TMEM123: variants seen among roughly 807,000 people sequenced by gnomAD.
TMEM123 encodes transmembrane protein 123, also known as porimin.
A neutral mutation model predicts 19.7 loss-of-function variants in TMEM123; 16 were observed. The observed-to-expected ratio is 0.81, with a 90% CI of 0.55 to 1.23. The LOEUF (loss-of-function observed/expected upper bound fraction) is 1.23, where lower values mean the gene tolerates loss of function less well. Among genes scored for constraint, TMEM123 ranks in the 50% most tolerant of loss-of-function variants. TMEM123 has a pLI of 0.00. For synonymous variants in TMEM123, 118 were observed against 99.4 expected, an observed-to-expected ratio of 1.19 and a Z score of -1.12; for missense variants, 313 against 257.8, an observed-to-expected ratio of 1.21 and a Z score of -1.47.
At chr11:102,429,502 A>G (rs1468676681) in intron 2 of TMEM123, among the ~76,000 whole-genome samples, 2 of 152,182 alleles carry the variant, frequency 1.3e-5, no homozygotes, top group African/African-American at 4.8e-5. Context: ...TTCCTCTTTG[A>G]GAAGGTCTTT....
At chr11:102,435,818 C>G (rs1439557413) in intron 2 of TMEM123, among the ~76,000 whole-genome samples, 1 of 151,698 alleles carries the variant, frequency 6.6e-6, no homozygotes, top group African/African-American at 2.4e-5. Context: ...TATGAAAGTC[C>G]AGAACGGGAA....
intron 2 of TMEM123, among the ~76,000 whole-genome samples, chr11:102,447,350 G>T (rs1426913628): frequency 6.6e-6 from 1 of 152,170 alleles, no homozygotes; most frequent in Non-Finnish European, 1.5e-5. Flanking sequence ...ATACAACTGG[G>T]TTTCAAATCC....
At chr11:102,412,048 G>T (rs745701012) in intron 2 of TMEM123, among the ~76,000 whole-genome samples, 1 of 152,162 alleles carries the variant, frequency 6.6e-6, no homozygotes, top group Non-Finnish European at 1.5e-5. Flanking sequence ...TACTTCAGGT[G>T]CCTGGGCTGC....
At chr11:102,430,847 A>G (rs1857691397) in intron 2 of TMEM123, among the ~76,000 whole-genome samples, 1 of 152,244 alleles carries the variant, frequency 6.6e-6, no homozygotes, top group Non-Finnish European at 1.5e-5. Flanking sequence ...CCCAAATTCA[A>G]TTAACAGCAA....
chr11:102,434,619 G>A (rs1195959134), intron 2 of TMEM123, among the ~76,000 whole-genome samples: 2 of 151,638 alleles, frequency 1.3e-5, no homozygotes, highest in East Asian at 3.9e-4. Flanking sequence ...TGTTTTTGTT[G>A]CCTGTGCTTT....
intron 2 of TMEM123, among the ~76,000 whole-genome samples, chr11:102,420,874 CCT>C (rs544800451): frequency 1.3e-5 from 2 of 152,096 alleles, no homozygotes; most frequent in Non-Finnish European, 2.9e-5. Context: ...ATGGTGAAAC[CCT>C]GTCTCTGCAA....
Position 102,398,826 on chromosome 11 carries a change from G to A in TMEM123, c.*41C>T, listed in dbSNP as rs1214715238. ...TAATAAACCAAAATTAATTGATAGG[G>A]CAGCATCAATCTGTATTCCATCCTT... On this transcript the variant is annotated 3_prime_UTR_variant, in exon 5 of 5. Transcript: ENST00000398136. 1 of 1,600,174 alleles carries A rather than the reference G, an allele frequency of 6.2e-7. No individual in the cohort carries two copies. Among genetic ancestry groups the A allele is most frequent in the Non-Finnish European group, 8.5e-7 (1 of 1,173,520 alleles).
intron 2 of TMEM123, among the ~76,000 whole-genome samples, chr11:102,426,859 T>TTCC (rs1491364770): frequency 3.6e-3 from 15 of 4,134 alleles, no homozygotes; most frequent in African/African-American, 6.4e-3. Flanking sequence ...TTAAAGTAGT[T>TTCC]CCCCCCCCCC....
intron 2 of TMEM123, among the ~76,000 whole-genome samples, chr11:102,432,983 A>T (rs1282657867): frequency 6.6e-6 from 1 of 152,010 alleles, no homozygotes; most frequent in African/African-American, 2.4e-5. Flanking sequence ...ACTGGATTTC[A>T]GAGAATGTAT....
In TMEM123 at chr11:102,399,905, G is replaced by C. The variant is rs1032396221; in HGVS notation, c.603-1014C>G. ...GAATAGCTTGAACCCAGGAGGCAGA[G>C]GTTGCAGTGAGCCGAGATCGTGCCA... On this transcript the variant is annotated intron_variant, in intron 4 of 4. Coordinates refer to ENST00000398136, the MANE Select transcript of TMEM123 (RefSeq NM_052932.3). 4.0e-5 allele frequency among the ~76,000 whole-genome samples: 6 copies of C among 151,824 alleles called. 1 individual carries two copies. The highest frequency in any genetic ancestry group is 1.3e-4 in the Admixed American group (2 of 15,276).
chr11:102,424,027 C>T (rs1952106359), intron 2 of TMEM123, among the ~76,000 whole-genome samples: 1 of 152,150 alleles, frequency 6.6e-6, no homozygotes, highest in African/African-American at 2.4e-5. Flanking sequence ...TTTAGACACA[C>T]TGCTAACAAG....
At position 102,401,980 on chromosome 11, in the gene TMEM123, T is replaced by C; in HGVS notation, c.384A>G (p.Ile128Met). Residue 128 changes from isoleucine (I) to methionine (M), a missense_variant, in exon 3 of 5, where the codon ATA becomes ATG. Coordinates refer to ENST00000398136, the MANE Select transcript of TMEM123 (RefSeq NM_052932.3). ...GGGTTACGGTCATTGTGGATGTTGA[T>C]ATCTGAGATGTGTTCTGTGAAACAC... ...TTSVSQNTSQ[I>M]STSTMTVTHN... 3 of 1,614,200 alleles carry C rather than the reference T, an allele frequency of 1.9e-6. No individual in the cohort carries two copies. The highest frequency in any genetic ancestry group is 2.5e-6 in the Non-Finnish European group (3 of 1,180,040).
chr11:102,450,616 T>A (rs1857928182), intron 1 of TMEM123, among the ~76,000 whole-genome samples: 1 of 152,258 alleles, frequency 6.6e-6, no homozygotes, highest in South Asian at 2.1e-4. Context: ...AAGTATTATC[T>A]ACTTCAAGAG....
chr11:102,448,998 A>T, intron 1 of TMEM123, 130 bp from the exon 2 acceptor site: 1 of 870,292 alleles, frequency 1.1e-6, no homozygotes, highest in Non-Finnish European at 1.9e-6. Context: ...AGGAAGTTCT[A>T]CTTTGGCCCC....
rs752756561 is a variant in TMEM123, at chr11:102,452,591, C to T, written c.33G>A (p.Ala11=). 6.4e-7 allele frequency: 1 copy of T among 1,568,162 alleles called. No individual in the cohort carries two copies. The highest frequency in any genetic ancestry group is 8.6e-7 in the Non-Finnish European group (1 of 1,160,944). MGLGARGAWA[A]LLLGTLQVLA... ...GCACCTGCAGCGTCCCCAGGAGCAG[C>T]GCGGCCCAAGCACCTCGCGCGCCGA... Residue 11 remains alanine (A), a synonymous_variant, in exon 1 of 5, where the codon GCG becomes GCA. Transcript: ENST00000398136.
At chr11:102,448,683 G>T (rs1003559844) in intron 2 of TMEM123, 129 bp downstream of exon 2, 1 of 787,472 alleles carries the variant, frequency 1.3e-6, no homozygotes, top group Non-Finnish European at 2.1e-6. Flanking sequence ...CAGGTTATTG[G>T]GATTCATGGG....
At chr11:102,419,053 A>G (rs933331843) in intron 2 of TMEM123, among the ~76,000 whole-genome samples, 1 of 152,274 alleles carries the variant, frequency 6.6e-6, no homozygotes, top group East Asian at 1.9e-4. Context: ...AAAACTACCT[A>G]TTGAGTACTA....
chr11:102,424,810 C>T (rs374821075), intron 2 of TMEM123, among the ~76,000 whole-genome samples: 53 of 152,186 alleles, frequency 3.5e-4, no homozygotes, highest in South Asian at 3.3e-3. Context: ...GAAAAGGGAG[C>T]GGGTCAAAGC....
intron 1 of TMEM123, among the ~76,000 whole-genome samples, chr11:102,449,607 ACTT>A (rs1313174376): frequency 6.6e-6 from 1 of 152,158 alleles, no homozygotes; most frequent in African/African-American, 2.4e-5. Context: ...ATTTATCTTT[ACTT>A]CTTGGGCAAA....
Sources: allele counts gnomAD v4.1 joint callset (sites outside exome capture counted in the v4.1 genomes callset), GRCh38; gene constraint gnomAD v4.1.1; transcripts MANE v1.5; gene names NCBI Gene and HGNC (gene_info 2026-07-23, HGNC 2026-07-21).